Variants in CEP112 observed in about 807,000 individuals in gnomAD.
CEP112 encodes the protein centrosomal protein 112.
Under a neutral mutation model 153.0 loss-of-function variants are expected in CEP112, and 127 were observed. The ratio of observed to expected loss-of-function variants is 0.83; its 90% CI spans 0.72 to 0.96. CEP112 has a LOEUF of 0.96. CEP112 is among the 40% of genes least tolerant of loss of function. CEP112 has a pLI of 0.00. For synonymous variants in CEP112, 358 were observed against 374.4 expected, an observed-to-expected ratio of 0.96 and a Z score of 0.51; for missense variants, 1,089 against 1,101.2, an observed-to-expected ratio of 0.99 and a Z score of 0.16.
chr17:66,125,822 T>C (rs767014017), intron 6 of CEP112, among the ~76,000 whole-genome samples: 3 of 152,118 alleles, frequency 2.0e-5, no homozygotes, highest in Non-Finnish European at 2.9e-5. Flanking sequence ...TCTGTGTAAT[T>C]AGAATTGCAA....
intron 17 of CEP112, among the ~76,000 whole-genome samples, chr17:65,970,845 T>C (rs1382180491): frequency 2.2e-5 from 1 of 44,708 alleles, no homozygotes; most frequent in African/African-American, 6.5e-5. Context: ...ATTACATGCA[T>C]ATGTCATGTA....
intron 12 of CEP112, among the ~76,000 whole-genome samples, chr17:66,046,063 G>T (rs1423227124): frequency 6.7e-6 from 1 of 150,198 alleles, no homozygotes; most frequent in Non-Finnish European, 1.5e-5. Context: ...TTTTTTTTGA[G>T]AGAGAGTCTC....
chr17:65,903,755 CT>C (rs1284676685), intron 19 of CEP112, among the ~76,000 whole-genome samples: 3 of 152,168 alleles, frequency 2.0e-5, no homozygotes, highest in African/African-American at 7.2e-5. Flanking sequence ...CATCAAAAAG[CT>C]TATCCACCAT....
At chr17:66,118,276 T>A (rs781101632) in intron 6 of CEP112, among the ~76,000 whole-genome samples, 33 of 152,206 alleles carry the variant, frequency 2.2e-4, no homozygotes, top group Admixed American at 1.1e-3. Context: ...GCAGCACTAT[T>A]CACAGTAGCC....
At chr17:65,975,007 A>C (rs1435850544) in intron 17 of CEP112, among the ~76,000 whole-genome samples, 2 of 152,252 alleles carry the variant, frequency 1.3e-5, no homozygotes, top group South Asian at 2.1e-4. Flanking sequence ...AATGAACTAC[A>C]AACAGAAACA....
intron 24 of CEP112, among the ~76,000 whole-genome samples, chr17:65,647,073 A>G (rs1318594087): frequency 6.6e-6 from 1 of 152,220 alleles, no homozygotes; most frequent in Non-Finnish European, 1.5e-5. Flanking sequence ...ATATTCAAAA[A>G]TCCAACCAGT....
chr17:65,760,784 T>C (rs1001237242), intron 21 of CEP112, among the ~76,000 whole-genome samples: 5 of 152,140 alleles, frequency 3.3e-5, no homozygotes, highest in African/African-American at 1.2e-4. Context: ...AATTATTTCC[T>C]CTGTTTTTAT....
At chr17:65,949,727 A>G (rs1241467540) in intron 18 of CEP112, among the ~76,000 whole-genome samples, 1 of 152,186 alleles carries the variant, frequency 6.6e-6, no homozygotes, top group Non-Finnish European at 1.5e-5. Flanking sequence ...TGATATGAGG[A>G]GTGGACCAAT....
chr17:65,841,132 G>T, intron 21 of CEP112, among the ~76,000 whole-genome samples: 1 of 152,096 alleles, frequency 6.6e-6, no homozygotes. Flanking sequence ...ATATAACCCA[G>T]CAATTCCACT....
chr17:65,881,707 T>C (rs1013110978), intron 20 of CEP112, among the ~76,000 whole-genome samples: 1 of 152,106 alleles, frequency 6.6e-6, no homozygotes. Context: ...AACATGCCAA[T>C]GGTATAAGAG....
At chr17:65,962,359 T>C (rs764914889) in intron 17 of CEP112, among the ~76,000 whole-genome samples, 1 of 152,144 alleles carries the variant, frequency 6.6e-6, no homozygotes, top group Non-Finnish European at 1.5e-5. Flanking sequence ...CAGAGAAACA[T>C]GATGGCCTAA....
intron 17 of CEP112, among the ~76,000 whole-genome samples, chr17:65,969,889 T>C (rs1472457123): frequency 1.3e-5 from 2 of 152,352 alleles, no homozygotes; most frequent in South Asian, 2.1e-4. Flanking sequence ...GTAAATTACA[T>C]GCATGCTTAA....
At chr17:66,121,250 T>C (rs1598392304) in intron 6 of CEP112, among the ~76,000 whole-genome samples, 1 of 150,496 alleles carries the variant, frequency 6.6e-6, no homozygotes, top group East Asian at 2.0e-4. Flanking sequence ...CACTCTAGCC[T>C]GGGCAACATG....
intron 21 of CEP112, among the ~76,000 whole-genome samples, chr17:65,806,482 T>C (rs1432384810): frequency 6.6e-6 from 1 of 152,256 alleles, no homozygotes; most frequent in Non-Finnish European, 1.5e-5. Flanking sequence ...ATGAGGGCTC[T>C]AATATCATTA....
At chr17:65,820,999 T>G (rs533056490) in intron 21 of CEP112, among the ~76,000 whole-genome samples, 4 of 152,220 alleles carry the variant, frequency 2.6e-5, no homozygotes, top group African/African-American at 9.6e-5. Context: ...TCCATTTTCT[T>G]TGCCAAGAAA....
At position 66,178,134 on chromosome 17, in the gene CEP112, C is replaced by A. The variant is rs1462601413; in HGVS notation, c.107-1114G>T. Among the ~76,000 whole-genome samples, 42 of 152,124 alleles carry A rather than the reference C, an allele frequency of 2.8e-4. 1 individual carries two copies. The highest frequency in any genetic ancestry group is 5.9e-5 in the Non-Finnish European group (4 of 68,004). ...TCTATTTTCTAGTTTTTCTGAGGAA[C>A]CTCAAACTCTTCTCCGTAGTCACTC... On this transcript the variant is annotated intron_variant, in intron 2 of 26. Coordinates refer to ENST00000535342, the MANE Select transcript of CEP112 (RefSeq NM_001199165.4).
intron 17 of CEP112, among the ~76,000 whole-genome samples, chr17:65,994,355 T>A (rs1235546124): frequency 6.6e-6 from 1 of 152,100 alleles, no homozygotes; most frequent in East Asian, 1.9e-4. Context: ...TGAGACAGGG[T>A]CTTGCTCTCT....
At chr17:65,714,385 T>C (rs2049375735) in intron 23 of CEP112, among the ~76,000 whole-genome samples, 2 of 152,052 alleles carry the variant, frequency 1.3e-5, no homozygotes, top group East Asian at 1.9e-4. Context: ...ACATATTTTA[T>C]GGATCTTATT....
chr17:66,040,501 T>TA, intron 12 of CEP112, among the ~76,000 whole-genome samples: 1 of 149,596 alleles, frequency 6.7e-6, no homozygotes, highest in East Asian at 1.9e-4. Flanking sequence ...TTTCTTTTTT[T>TA]TTTTTTTTGA....
Sources: gnomAD v4.1 joint callset for allele counts (sites outside exome capture counted in the v4.1 genomes callset) on GRCh38, gnomAD v4.1.1 for gene constraint, MANE v1.5 for transcripts, NCBI Gene and HGNC (gene_info 2026-07-23, HGNC 2026-07-21) for gene names.